The following SEPTIN7 variants were observed in gnomAD, a reference collection of about 807,000 sequenced individuals.
SEPTIN7 encodes septin-7.
Under a neutral mutation model 63.3 loss-of-function variants are expected in SEPTIN7, and 10 were observed. The ratio of observed to expected loss-of-function variants is 0.16; its 90% CI spans 0.10 to 0.27. SEPTIN7 has a LOEUF of 0.27. Among genes scored for constraint, SEPTIN7 ranks in the 10% least tolerant of loss-of-function variants. The pLI is 1.00. For missense variants in SEPTIN7, 310 were observed against 521.0 expected (o/e 0.59, Z 3.94); for synonymous variants, 131 against 165.3 (o/e 0.79, Z 1.59).
In SEPTIN7 at chr7:35,831,538, GTTAAC is replaced by G. The variant is rs1562531648; in HGVS notation, c.66+47_66+51del. ...ATTTATAGAGTTTTTTTCAGTCTCA[GTTAAC>G]TTAAATTTAATTTATAGTTGGATGA... is the stretch of plus-strand genomic sequence containing the variant. On this transcript the variant is annotated intron_variant, in intron 2 of 13. Coordinates refer to ENST00000350320, the MANE Select transcript of SEPTIN7 (RefSeq NM_001788.6). 4 of 411,672 alleles carry G rather than the reference GTTAAC, an allele frequency of 9.7e-6. 1 individual carries two copies. The highest frequency in any genetic ancestry group is 1.8e-5 in the South Asian group (1 of 55,296). The allele number at this position is 411,672 out of a possible 1,614,324, so 25.5% of individuals were successfully genotyped here.
intron 3 of SEPTIN7, among the ~76,000 whole-genome samples, chr7:35,858,767 G>A (rs1303268621): frequency 2.8e-4 from 41 of 148,168 alleles, no homozygotes; most frequent in Non-Finnish European, 3.4e-4. Context: ...TGCAACCTCC[G>A]CCTCCTGGGT....
At position 35,852,059 on chromosome 7, in the gene SEPTIN7, G is replaced by T. The variant is rs192639589; in HGVS notation, c.170-11493G>T. Among the ~76,000 whole-genome samples the T allele has an allele frequency of 2.0e-5, 3 of 152,118 alleles. No homozygotes were observed. In the East Asian group the frequency reaches 5.8e-4, roughly 29 times the overall value. ...CCCTTATTCTTAGTAGTTGCACTAGGGTCCTTTCTTTTTCTGTGAGAAAAT... is the reference window on the plus strand; with the variant it reads ...CCCTTATTCTTAGTAGTTGCACTAGTGTCCTTTCTTTTTCTGTGAGAAAAT... On this transcript the variant is annotated intron_variant, in intron 3 of 13. Transcript: ENST00000350320.
chr7:35,831,345 T>C (rs1336248302), intron 1 of SEPTIN7, 147 bp from the exon 2 acceptor site: 4 of 217,754 alleles, frequency 1.8e-5, no homozygotes, highest in African/African-American at 9.5e-5. Context: ...TTCCCCTCTG[T>C]CTTGCTGTGT....
chr7:35,883,785 AAT>A, intron 8 of SEPTIN7, 104 bp from the exon 9 acceptor site: 1 of 517,444 alleles, frequency 1.9e-6, no homozygotes, highest in Non-Finnish European at 3.3e-6. Flanking sequence ...ATCGAAAGTA[AAT>A]TTTTTTTTTT....
Position 35,901,390 on chromosome 7 carries a change from A to G in SEPTIN7, c.1135-1686A>G, listed in dbSNP as rs574700787. ...CATGAACTAAGTTTTAATCCTACAT[A>G]TTGTGAATATTTATATATTTTACTG... On this transcript the variant is annotated intron_variant, in intron 12 of 13. Coordinates refer to ENST00000350320, the MANE Select transcript of SEPTIN7 (RefSeq NM_001788.6). 7 of 152,350 alleles carry G rather than the reference A, an allele frequency of 4.6e-5. No homozygotes were observed. In the South Asian group the frequency reaches 1.0e-3, roughly 23 times the overall value. 9.4% of individuals were successfully genotyped at this position (152,350 alleles called of 1,614,324 possible).
rs528606711 is a variant in SEPTIN7, at chr7:35,803,129, C to T, written c.61+1859C>T. The T allele has an allele frequency of 3.2e-5, 31 of 958,268 alleles. No homozygotes were observed. In the African/African-American group the frequency reaches 4.2e-4, roughly 13 times the overall value. The allele number at this position is 958,268 out of a possible 1,614,324, so 59.4% of individuals were successfully genotyped here. A position where few individuals can be genotyped will look rare whatever the true frequency, so the allele number is the denominator to read the frequency against. ...ATCCTTTAAAAAGAAAGGATATTGT[C>T]TTTTTCTAATGTAGCTTAACAATTT... is the stretch of plus-strand genomic sequence containing the variant. On this transcript the variant is annotated intron_variant, in intron 1 of 13. Transcript: ENST00000350320.
At chr7:35,832,462 A>G (rs1783878595) in intron 2 of SEPTIN7, among the ~76,000 whole-genome samples, 1 of 152,032 alleles carries the variant, frequency 6.6e-6, no homozygotes, top group Non-Finnish European at 1.5e-5. Flanking sequence ...TTTTATTGTG[A>G]AGAATCCTTT....
At chr7:35,816,507 A>G (rs1161080431) in intron 1 of SEPTIN7, among the ~76,000 whole-genome samples, 1 of 152,072 alleles carries the variant, frequency 6.6e-6, no homozygotes, top group Non-Finnish European at 1.5e-5. Flanking sequence ...CTACTTTTTG[A>G]CTATTATGGA....
At chr7:35,902,321 G>A (rs1286729989) in intron 12 of SEPTIN7, 2 of 151,774 alleles carry the variant, frequency 1.3e-5, no homozygotes, top group African/African-American at 2.4e-5. Context: ...TCGCATGAGT[G>A]TTTACTGCCT....
At chr7:35,842,930 TTA>T (rs146264668) in intron 3 of SEPTIN7, among the ~76,000 whole-genome samples, 1 of 151,760 alleles carries the variant, frequency 6.6e-6, no homozygotes, top group African/African-American at 2.4e-5. Context: ...ACACACACAT[TTA>T]TATATATATG....
intron 1 of SEPTIN7, among the ~76,000 whole-genome samples, chr7:35,803,973 G>C (rs1454052947): frequency 6.6e-6 from 1 of 152,118 alleles, no homozygotes; most frequent in African/African-American, 2.4e-5. Context: ...TTTTCTTTCA[G>C]GTATTGTGTA....
At chr7:35,882,454 C>T (rs1310292388) in intron 7 of SEPTIN7, 30 bp from the exon 8 acceptor site, 1 of 1,413,448 alleles carries the variant, frequency 7.1e-7, no homozygotes, top group East Asian at 2.7e-5. Flanking sequence ...ATGTATGGTG[C>T]TCTTTTGCTG....
intron 5 of SEPTIN7, among the ~76,000 whole-genome samples, chr7:35,873,010 T>G (rs1786248024): frequency 6.6e-6 from 1 of 152,112 alleles, no homozygotes; most frequent in African/African-American, 2.4e-5. Context: ...TAAGACATAT[T>G]CTAAAATAAC....
intron 3 of SEPTIN7, among the ~76,000 whole-genome samples, chr7:35,850,848 C>G (rs1345050627): frequency 1.3e-5 from 2 of 152,072 alleles, no homozygotes; most frequent in Non-Finnish European, 2.9e-5. Flanking sequence ...TTAATGATCA[C>G]TTATAAAATG....
At chr7:35,908,314 CTT>C (rs1788672117), downstream of SEPTIN7, among the ~76,000 whole-genome samples, 9 of 152,280 alleles carry the variant, frequency 5.9e-5, no homozygotes, top group African/African-American at 2.2e-4. Context: ...TTCCTGTGTT[CTT>C]TAGAAGACTT....
chr7:35,888,823 C>CAAAAAA (rs70974780), intron 10 of SEPTIN7: 40 of 187,782 alleles, frequency 2.1e-4, no homozygotes, highest in East Asian at 9.0e-4. Context: ...GACCCTGTAT[C>CAAAAAA]AAAAAAAAAA....
intron 3 of SEPTIN7, among the ~76,000 whole-genome samples, chr7:35,851,598 A>G (rs1784963667): frequency 1.3e-5 from 2 of 152,186 alleles, no homozygotes; most frequent in South Asian, 4.1e-4. Context: ...ATGCAGAAGT[A>G]CACTTGATTT....
intron 1 of SEPTIN7, among the ~76,000 whole-genome samples, chr7:35,812,300 A>C (rs1013941617): frequency 6.6e-6 from 1 of 151,294 alleles, no homozygotes; most frequent in African/African-American, 2.4e-5. Flanking sequence ...ACATAGACAT[A>C]GGCCCCACGT....
chr7:35,848,442 G>GT (rs970377555), intron 3 of SEPTIN7, among the ~76,000 whole-genome samples: 33 of 150,722 alleles, frequency 2.2e-4, no homozygotes, highest in African/African-American at 3.7e-4. Flanking sequence ...TAATTTTTTG[G>GT]TTTTTTTTTA....
Sources: allele counts gnomAD v4.1 joint callset (sites outside exome capture counted in the v4.1 genomes callset), GRCh38; gene constraint gnomAD v4.1.1; transcripts MANE v1.5; gene names NCBI Gene and HGNC (gene_info 2026-07-23, HGNC 2026-07-21).